CNTNAP2: variants seen among roughly 807,000 people sequenced by gnomAD.
The protein encoded by CNTNAP2 is contactin associated protein 2, also known as contactin-associated protein-like 2.
Under a neutral mutation model 155.2 loss-of-function variants are expected in CNTNAP2, and 98 were observed. That is an observed-to-expected ratio of 0.63 (90% confidence interval 0.54 to 0.75). The LOEUF (loss-of-function observed/expected upper bound fraction) is 0.75. CNTNAP2 is among the 30% of genes least tolerant of loss of function. CNTNAP2 has a pLI of 0.00. For synonymous variants in CNTNAP2, 651 were observed against 631.2 expected (o/e 1.03, Z -0.47); for missense variants, 1,727 against 1,688.1 (o/e 1.02, Z -0.40).
chr7:148,119,394 G>A (rs377554082), intron 16 of CNTNAP2, among the ~76,000 whole-genome samples: 1 of 151,996 alleles, frequency 6.6e-6, no homozygotes, highest in Admixed American at 6.6e-5. Context: ...GCCAGGTGTG[G>A]TGGCGGGGGC....
chr7:147,567,356 C>A (rs1800194394), intron 12 of CNTNAP2, among the ~76,000 whole-genome samples: 2 of 152,052 alleles, frequency 1.3e-5, no homozygotes, highest in African/African-American at 4.8e-5. Context: ...GAAAGTTTGT[C>A]CTGAGGTGAA....
At chr7:147,232,815 A>G (rs775830384) in intron 8 of CNTNAP2, among the ~76,000 whole-genome samples, 3 of 152,218 alleles carry the variant, frequency 2.0e-5, no homozygotes, top group African/African-American at 4.8e-5. Context: ...TTTCTGAAGA[A>G]CAATTATTGA....
At chr7:147,340,820 A>G (rs1439469635) in intron 9 of CNTNAP2, among the ~76,000 whole-genome samples, 2 of 151,986 alleles carry the variant, frequency 1.3e-5, no homozygotes, top group East Asian at 3.9e-4. Flanking sequence ...ACAGTATACA[A>G]TCACTATCTT....
At chr7:146,848,029 A>G (rs1438458521) in intron 3 of CNTNAP2, among the ~76,000 whole-genome samples, 1 of 152,190 alleles carries the variant, frequency 6.6e-6, no homozygotes, top group Non-Finnish European at 1.5e-5. Context: ...AGACTTGAAA[A>G]TAGGCTTATA....
At chr7:148,371,903 A>G (rs550917076) in intron 21 of CNTNAP2, among the ~76,000 whole-genome samples, 13 of 152,036 alleles carry the variant, frequency 8.6e-5, no homozygotes, top group African/African-American at 2.9e-4. Context: ...AAAATATGAT[A>G]TAAAAGATAA....
chr7:146,441,219 T>G (rs1377486909), intron 1 of CNTNAP2, among the ~76,000 whole-genome samples: 1 of 151,580 alleles, frequency 6.6e-6, no homozygotes, highest in Non-Finnish European at 1.5e-5. Flanking sequence ...AGGTCAAAAA[T>G]TCAACCGTGA....
In CNTNAP2 at chr7:147,997,042, G is replaced by A. The variant is rs1472158387; in HGVS notation, c.2383+19053G>A. ...CTTTCTGCCATGAGAGACTTCAGCT[G>A]GAAGGCACGATCCATAAGCCAAAAA... is the stretch of plus-strand genomic sequence containing the variant. On this transcript the variant is annotated intron_variant, in intron 15 of 23. Transcript: ENST00000361727. Among the ~76,000 whole-genome samples the A allele has an allele frequency of 2.0e-5, 3 of 152,158 alleles. No homozygotes were observed. The East Asian group carries it at 5.8e-4, about 29-fold the overall frequency.
intron 20 of CNTNAP2, among the ~76,000 whole-genome samples, chr7:148,247,629 T>TCTC (rs1563010548): frequency 1.2e-5 from 1 of 84,696 alleles, no homozygotes; most frequent in African/African-American, 5.1e-5. Flanking sequence ...CTCTCTCTAT[T>TCTC]TATTTATTTA....
chr7:147,964,428 T>C (rs529228723), intron 14 of CNTNAP2, among the ~76,000 whole-genome samples: 33 of 152,160 alleles, frequency 2.2e-4, no homozygotes, highest in Non-Finnish European at 4.1e-4. Context: ...TCCACGGATT[T>C]GTTTCCATCA....
At chr7:148,049,945 C>T (rs936060849) in intron 15 of CNTNAP2, among the ~76,000 whole-genome samples, 1 of 152,104 alleles carries the variant, frequency 6.6e-6, no homozygotes, top group Non-Finnish European at 1.5e-5. Flanking sequence ...GGTGGATCAC[C>T]TGAGGTCAGG....
Position 147,395,606 on chromosome 7 carries a change from C to T in CNTNAP2, c.1499-3C>T. 6.2e-7 allele frequency: 1 copy of T among 1,611,484 alleles called. No homozygotes were observed. On this transcript the variant is annotated splice_region_variant and splice_polypyrimidine_tract_variant and intron_variant, in intron 9 of 23. Coordinates refer to ENST00000361727, the MANE Select transcript of CNTNAP2 (RefSeq NM_014141.6). ...TTACATTCCCATTTCTTCTGTTTCA[C>T]AGGTTTTCTGAACCAGATGAATAAC... is the stretch of plus-strand genomic sequence containing the variant.
intron 21 of CNTNAP2, among the ~76,000 whole-genome samples, chr7:148,316,865 A>C (rs982827276): frequency 2.0e-5 from 3 of 152,222 alleles, no homozygotes; most frequent in African/African-American, 4.8e-5. Context: ...AATTCACTTT[A>C]AGACAGCAAA....
chr7:146,721,889 A>ATATATTTTTTTTTT, intron 1 of CNTNAP2, among the ~76,000 whole-genome samples: 1 of 69,738 alleles, frequency 1.4e-5, no homozygotes, highest in Non-Finnish European at 2.4e-5. Context: ...ATATATATAT[A>ATATATTTTTTTTTT]TTTTTTTTTT....
At chr7:147,849,164 A>G (rs1412673707) in intron 13 of CNTNAP2, among the ~76,000 whole-genome samples, 1 of 152,208 alleles carries the variant, frequency 6.6e-6, no homozygotes, top group Non-Finnish European at 1.5e-5. Flanking sequence ...CATTTTTGTA[A>G]AGTGACCATT....
intron 1 of CNTNAP2, among the ~76,000 whole-genome samples, chr7:146,738,973 G>C (rs569140802): frequency 6.6e-6 from 1 of 150,804 alleles, no homozygotes; most frequent in Non-Finnish European, 1.5e-5. Flanking sequence ...TATTTCTGTT[G>C]CATCAGTTAT....
chr7:146,253,185 G>C (rs1454429715), intron 1 of CNTNAP2, among the ~76,000 whole-genome samples: 1 of 152,172 alleles, frequency 6.6e-6, no homozygotes, highest in African/African-American at 2.4e-5. Flanking sequence ...ACACAGAAGT[G>C]CTGCCATTTC....
intron 1 of CNTNAP2, among the ~76,000 whole-genome samples, chr7:146,362,859 C>T (rs1795102847): frequency 6.6e-6 from 1 of 151,188 alleles, no homozygotes; most frequent in Non-Finnish European, 1.5e-5. Flanking sequence ...TAACCCCCGC[C>T]TCCCGGGTTC....
intron 3 of CNTNAP2, among the ~76,000 whole-genome samples, chr7:146,970,187 A>T (rs990083206): frequency 6.6e-6 from 1 of 152,214 alleles, no homozygotes; most frequent in Non-Finnish European, 1.5e-5. Context: ...AAGCAATGGC[A>T]ACAAAAGACA....
chr7:146,711,676 A>T (rs1182587792), intron 1 of CNTNAP2, among the ~76,000 whole-genome samples: 4 of 148,198 alleles, frequency 2.7e-5, no homozygotes, highest in Non-Finnish European at 5.9e-5. Flanking sequence ...TTTCGTATAT[A>T]TCTCATTATA....
Sources: allele counts gnomAD v4.1 joint callset (sites outside exome capture counted in the v4.1 genomes callset), GRCh38; gene constraint gnomAD v4.1.1; transcripts MANE v1.5; gene names NCBI Gene and HGNC (gene_info 2026-07-23, HGNC 2026-07-21).